PARD3B: variants seen among roughly 807,000 people sequenced by gnomAD.
PARD3B encodes par-3 family cell polarity regulator beta.
Under a neutral mutation model 130.2 loss-of-function variants are expected in PARD3B, and 103 were observed. The observed-to-expected ratio is 0.79, with a 90% CI of 0.67 to 0.93. The LOEUF (loss-of-function observed/expected upper bound fraction) is 0.93. Ranked by LOEUF, PARD3B falls within the 40% of genes least tolerant of loss-of-function variation. The pLI, the probability that PARD3B is intolerant of heterozygous loss-of-function variation, is 0.00. For synonymous variants in PARD3B, 583 were observed against 553.2 expected (o/e 1.05, Z -0.76); for missense variants, 1,609 against 1,499.2 (o/e 1.07, Z -1.21).
At chr2:205,501,691 A>C (rs568040986) in intron 21 of PARD3B, among the ~76,000 whole-genome samples, 2 of 152,300 alleles carry the variant, frequency 1.3e-5, no homozygotes, top group South Asian at 4.1e-4. Context: ...ATTTTAGACA[A>C]AGTAGTCCTG....
chr2:204,832,078 T>G (rs2043844955), intron 2 of PARD3B, among the ~76,000 whole-genome samples: 1 of 151,784 alleles, frequency 6.6e-6, no homozygotes, highest in Non-Finnish European at 1.5e-5. Context: ...AAAACAAAAT[T>G]AGTCAGGCAT....
chr2:204,763,893 G>C (rs1221530153), intron 2 of PARD3B, among the ~76,000 whole-genome samples: 1 of 152,214 alleles, frequency 6.6e-6, no homozygotes, highest in African/African-American at 2.4e-5. Context: ...TTATAGAATA[G>C]AGTGAAATTT....
chr2:205,268,438 G>A lies in PARD3B; in HGVS notation c.2185+22616G>A, dbSNP rs2040596690. ...TTTGAGGTAAAAGATCGTGGCAGAAGCCAGTATTGATTCACATTACTGGTC... is the reference window on the plus strand; with the variant it reads ...TTTGAGGTAAAAGATCGTGGCAGAAACCAGTATTGATTCACATTACTGGTC... On this transcript the variant is annotated intron_variant, in intron 16 of 22. Transcript: ENST00000406610. This position sits in a 1 kb window ranked among gnomAD's most constrained non-coding sequence, Gnocchi z 4.1. Among the ~76,000 whole-genome samples, 1 of 152,134 alleles carries A rather than the reference G, an allele frequency of 6.6e-6. No homozygotes were observed. The highest frequency in any genetic ancestry group is 2.4e-5 in the African/African-American group (1 of 41,432).
intron 2 of PARD3B, among the ~76,000 whole-genome samples, chr2:204,915,345 T>G (rs1409321175): frequency 6.6e-6 from 1 of 152,184 alleles, no homozygotes; most frequent in Non-Finnish European, 1.5e-5. Flanking sequence ...TAGAGAAGCC[T>G]TCTCCCAAAA....
intron 4 of PARD3B, among the ~76,000 whole-genome samples, chr2:205,080,522 T>A (rs1487477285): frequency 6.6e-6 from 1 of 152,186 alleles, no homozygotes; most frequent in East Asian, 1.9e-4. Flanking sequence ...CATCGCTATG[T>A]TTTTATAAAT....
In PARD3B at chr2:205,503,848, A is replaced by G. The variant is rs893573782; in HGVS notation, c.3180+3817A>G. On this transcript the variant is annotated intron_variant, in intron 21 of 22. Transcript: ENST00000406610. ...ATTTGTTTGTATCCTCTTTTATTTC[A>G]TTGAGCAGTGGTTTGTAGTTCTCCT... 2.6e-5 allele frequency among the ~76,000 whole-genome samples: 4 copies of G among 151,658 alleles called. No individual in the cohort carries two copies. In the East Asian group the frequency reaches 7.7e-4, roughly 29 times the overall value.
chr2:205,219,491 A>G (rs1217942980), intron 15 of PARD3B, among the ~76,000 whole-genome samples: 1 of 152,236 alleles, frequency 6.6e-6, no homozygotes, highest in Non-Finnish European at 1.5e-5. Flanking sequence ...CACAGTTTGC[A>G]TATTAAACAG....
At chr2:205,270,499 G>A (rs905092508) in intron 16 of PARD3B, among the ~76,000 whole-genome samples, 25 of 151,782 alleles carry the variant, frequency 1.6e-4, no homozygotes, top group Non-Finnish European at 2.5e-4. Flanking sequence ...CCCGGGAGGC[G>A]GAGGTTGCAG....
chr2:204,608,495 G>T (rs2033810442), intron 1 of PARD3B, among the ~76,000 whole-genome samples: 1 of 152,196 alleles, frequency 6.6e-6, no homozygotes, highest in African/African-American at 2.4e-5. Flanking sequence ...AAAAGGAATT[G>T]TTCTGAATTG....
chr2:205,123,553 G>A (rs1305169863), intron 8 of PARD3B, among the ~76,000 whole-genome samples: 1 of 151,830 alleles, frequency 6.6e-6, no homozygotes, highest in Admixed American at 6.6e-5. Context: ...TGGCTACATG[G>A]GAGGACAATG....
At chr2:205,371,524 C>T (rs2044816733) in intron 18 of PARD3B, among the ~76,000 whole-genome samples, 1 of 152,170 alleles carries the variant, frequency 6.6e-6, no homozygotes, top group African/African-American at 2.4e-5. Flanking sequence ...GCATCAGAGG[C>T]TGTAGAGTTT....
At chr2:205,014,456 C>T (rs1413503550) in intron 3 of PARD3B, among the ~76,000 whole-genome samples, 2 of 152,222 alleles carry the variant, frequency 1.3e-5, no homozygotes, top group African/African-American at 2.4e-5. Context: ...ATCTAATTCA[C>T]AACTGGGATG....
chr2:204,952,754 T>A (rs1370302941), intron 2 of PARD3B, among the ~76,000 whole-genome samples: 2 of 152,044 alleles, frequency 1.3e-5, no homozygotes, highest in African/African-American at 4.8e-5. Flanking sequence ...ATCCCAGCAC[T>A]TCAGGAGGCC....
chr2:205,509,796 G>C (rs114003492), intron 21 of PARD3B, among the ~76,000 whole-genome samples: 1 of 152,222 alleles, frequency 6.6e-6, no homozygotes, highest in African/African-American at 2.4e-5. Flanking sequence ...CCTGTGGGCA[G>C]TGACCTGATC....
In PARD3B at chr2:204,686,280, A is replaced by C. The variant is rs1229258687; in HGVS notation, c.220A>C (p.Lys74Gln). Residue 74 changes from lysine to glutamine, a missense_variant and splice_region_variant, in exon 2 of 23, where the codon AAG becomes CAG. Coordinates refer to ENST00000406610, the MANE Select transcript of PARD3B (RefSeq NM_001302769.2). ...VLADVVEDKD[K>Q]LIAVFEEQEP... ...GGCAGATGTTGTTGAAGATAAAGAC[A>C]AGGTAGATAACTCTAAAAATGTGCC... 2 of 1,600,892 alleles carry C rather than the reference A, an allele frequency of 1.2e-6. No homozygotes were observed. The highest frequency in any genetic ancestry group is 2.2e-5 in the East Asian group (1 of 44,750).
chr2:204,866,471 A>T (rs1285373049), intron 2 of PARD3B, among the ~76,000 whole-genome samples: 1 of 152,126 alleles, frequency 6.6e-6, no homozygotes, highest in African/African-American at 2.4e-5. Flanking sequence ...ATATTTATCC[A>T]TACATATCTG....
intron 10 of PARD3B, among the ~76,000 whole-genome samples, chr2:205,147,231 T>C (rs891765730): frequency 1.3e-5 from 2 of 152,196 alleles, no homozygotes; most frequent in Non-Finnish European, 2.9e-5. Flanking sequence ...TGACACAAAA[T>C]ATTATATTCA....
chr2:204,786,238 A>G (rs895787135), intron 2 of PARD3B, among the ~76,000 whole-genome samples: 12 of 152,098 alleles, frequency 7.9e-5, no homozygotes, highest in African/African-American at 2.9e-4. Flanking sequence ...GGTAGATGGT[A>G]TAGGATAACA....
At chr2:205,169,026 C>T (rs1306831650) in intron 11 of PARD3B, among the ~76,000 whole-genome samples, 14 of 152,146 alleles carry the variant, frequency 9.2e-5, no homozygotes. Flanking sequence ...TTGGGCATCC[C>T]ATTATTCATC....
Sources: allele counts gnomAD v4.1 joint callset (sites outside exome capture counted in the v4.1 genomes callset), GRCh38; gene constraint gnomAD v4.1.1; non-coding constraint Gnocchi (gnomAD v3.1); transcripts MANE v1.5; gene names NCBI Gene and HGNC (gene_info 2026-07-23, HGNC 2026-07-21).